Variants in CAMKK1 observed in about 807,000 individuals in gnomAD.
CAMKK1 encodes the protein calcium/calmodulin-dependent protein kinase kinase 1.
A neutral mutation model predicts 63.5 loss-of-function variants in CAMKK1; 20 were observed. That is an observed-to-expected ratio of 0.32 (90% CI 0.22 to 0.46). CAMKK1 has a LOEUF of 0.46. CAMKK1 is among the 20% of genes least tolerant of loss of function. CAMKK1 has a pLI of 1.00. For synonymous variants in CAMKK1, 253 were observed against 269.0 expected, an observed-to-expected ratio of 0.94 and a Z score of 0.58; for missense variants, 588 against 658.1, an observed-to-expected ratio of 0.89 and a Z score of 1.17.
rs1380543775 is a variant in CAMKK1 at position 3,885,817 on chromosome 17, C to T, written c.-43-87G>A. On this transcript the variant is annotated intron_variant, in intron 1 of 15. Coordinates refer to ENST00000348335, the MANE Select transcript of CAMKK1 (RefSeq NM_032294.3). ...AGCCACAGCGCTGTGGGTCCCACCT[C>T]CATGCCTTTGCCCTGGCTGTTCCCT... The T allele has an allele frequency of 1.8e-5, 25 of 1,353,070 alleles. No individual in the cohort carries two copies. In the East Asian group the frequency reaches 6.0e-4, roughly 32 times the overall value. The allele number at this position is 1,353,070 out of a possible 1,614,324, so 83.8% of individuals were successfully genotyped here. A position where few individuals can be genotyped will look rare whatever the true frequency, so the allele number is the denominator to read the frequency against.
Position 3,892,408 on chromosome 17 carries a change from A to C in CAMKK1, c.-44+531T>G, listed in dbSNP as rs1435697802. ...CAGCCCTGCGCCTCCCGGGCCCCGA[A>C]GCCGCAGCGCCCGCCTCTGCCGCCC... On this transcript the variant is annotated intron_variant, in intron 1 of 15. Coordinates refer to ENST00000348335, the MANE Select transcript of CAMKK1 (RefSeq NM_032294.3). The surrounding 1 kb of genome is among the most constrained non-coding windows in gnomAD (Gnocchi z 7.5). Among the ~76,000 whole-genome samples, 1 of 151,914 alleles carries C rather than the reference A, an allele frequency of 6.6e-6. No homozygotes were observed. Among genetic ancestry groups the C allele is most frequent in the African/African-American group, 2.4e-5 (1 of 41,342 alleles).
rs763041762 is a variant in CAMKK1 at position 3,869,836 on chromosome 17, T to G, written c.1177A>C (p.Asn393His). 11 of 1,614,240 alleles carry G rather than the reference T, an allele frequency of 6.8e-6. No individual in the cohort carries two copies. In the South Asian group the frequency reaches 1.2e-4, roughly 18 times the overall value. Reference protein sequence around the residue: ...KDLILKMLDKNPETRIGVPDI... With the variant: ...KDLILKMLDKHPETRIGVPDI... ...GGCACCCCAATTCTCGTCTCGGGAT[T>G]CTTGTCTAACATCTTCAGGATCAGG... Residue 393 changes from asparagine (N) to histidine (H), a missense_variant, in exon 13 of 16, where the codon AAT becomes CAT. By Grantham distance (68) the Asn-to-His change is moderately conservative. Coordinates refer to ENST00000348335, the MANE Select transcript of CAMKK1 (RefSeq NM_032294.3).
chr17:3,870,031 G>A lies in CAMKK1; in HGVS notation c.1125-143C>T, dbSNP rs549508712. ...GCAGGAATTTCACAACAAGGGCTTG[G>A]AGAGCCTTTCCTGAGCAGGAGGTCA... On this transcript the variant is annotated intron_variant, in intron 12 of 15. Coordinates refer to ENST00000348335, the MANE Select transcript of CAMKK1 (RefSeq NM_032294.3). 1.3e-4 allele frequency: 88 copies of A among 682,046 alleles called. No homozygotes were observed. In the African/African-American group the frequency reaches 1.5e-3, roughly 11 times the overall value. The allele number at this position is 682,046 out of a possible 1,614,324, so 42.2% of individuals were successfully genotyped here.
At chr17:3,869,969 C>A in intron 12 of CAMKK1, 81 bp from the exon 13 acceptor site, 1 of 1,161,272 alleles carries the variant, frequency 8.6e-7, no homozygotes, top group Non-Finnish European at 1.3e-6. Context: ...CCGAAACCTT[C>A]GTCCCTCGGA....
chr17:3,862,056 C>T lies in CAMKK1; in HGVS notation c.*155G>A, dbSNP rs2054345839. 1.6e-6 allele frequency: 1 copy of T among 628,872 alleles called. No homozygotes were observed. The highest frequency in any genetic ancestry group is 1.8e-5 in the South Asian group (1 of 54,710). 39.0% of individuals were successfully genotyped at this position (628,872 alleles called of 1,614,324 possible). On this transcript the variant is annotated 3_prime_UTR_variant, in exon 16 of 16. Transcript: ENST00000348335. The surrounding 1 kb of genome is among the most constrained non-coding windows in gnomAD (Gnocchi z 4.1). ...ACATTCCAGTCTGTCCCTGGACGTGCGTGCGTGGAGGTCATGCAGCACGAT... is the reference window on the plus strand; with the variant it reads ...ACATTCCAGTCTGTCCCTGGACGTGTGTGCGTGGAGGTCATGCAGCACGAT...
intron 15 of CAMKK1, 171 bp downstream of exon 15, chr17:3,865,737 A>G (rs1484793595): frequency 2.8e-6 from 4 of 1,437,668 alleles, no homozygotes; most frequent in Middle Eastern, 1.9e-4. Context: ...GGTCCCTTCT[A>G]GCCCCGACTA....
chr17:3,873,489 C>A, intron 10 of CAMKK1, 27 bp from the exon 11 acceptor site: 2 of 1,613,276 alleles, frequency 1.2e-6, no homozygotes, highest in Non-Finnish European at 1.7e-6. Context: ...TCACATCAGT[C>A]CCCAACAGGC....
In CAMKK1 at chr17:3,876,464, C is replaced by T. The variant is rs1348580198; in HGVS notation, c.797-42G>A. On this transcript the variant is annotated intron_variant, in intron 9 of 15. Transcript: ENST00000348335. ...CTTGAGCTGAGCGCTGGCCTGGGCA[C>T]CGCTGGCCAGGACCCCACACCCGTC... is the stretch of plus-strand genomic sequence containing the variant. 6 of 1,548,786 alleles carry T rather than the reference C, an allele frequency of 3.9e-6. No homozygotes were observed. In the South Asian group the frequency reaches 5.6e-5, roughly 14 times the overall value.
chr17:3,867,335 G>A (rs1322349447), intron 14 of CAMKK1, among the ~76,000 whole-genome samples: 1 of 152,192 alleles, frequency 6.6e-6, no homozygotes, highest in Admixed American at 6.5e-5. Flanking sequence ...AGAGACGAGT[G>A]CATGATGGCG....
At chr17:3,875,635 G>T (rs2055115498) in intron 10 of CAMKK1, among the ~76,000 whole-genome samples, 1 of 152,096 alleles carries the variant, frequency 6.6e-6, no homozygotes, top group African/African-American at 2.4e-5. Flanking sequence ...CTCACCCACA[G>T]CCTCCCTGGC....
chr17:3,862,234 G>A lies in CAMKK1; in HGVS notation c.1495C>T (p.Gln499Ter). The change falls in exon 16 of 16, where the codon CAG becomes TAG. Residue 499 changes from glutamine (Q) to a stop codon, truncating the protein, a stop_gained. Coordinates refer to ENST00000348335, the MANE Select transcript of CAMKK1 (RefSeq NM_032294.3). LOFTEE classifies it high-confidence loss of function. This position sits in a 1 kb window ranked among gnomAD's most constrained non-coding sequence, Gnocchi z 4.1. Reference sequence around the variant, plus strand: ...GCTCAGGATGCAGCCTCGTCTTCCTGGACGCCGGGGAGCTCTGGGCTCTTG... The same window carrying A: ...GCTCAGGATGCAGCCTCGTCTTCCTAGACGCCGGGGAGCTCTGGGCTCTTG... ...GGKSPELPGV[Q>*]EDEAAS 6.3e-7 allele frequency: 1 copy of A among 1,590,808 alleles called. No individual in the cohort carries two copies. Among genetic ancestry groups the A allele is most frequent in the Admixed American group, 1.7e-5 (1 of 57,270 alleles).
chr17:3,875,949 A>G (rs1441044961), intron 10 of CAMKK1, among the ~76,000 whole-genome samples: 2 of 152,192 alleles, frequency 1.3e-5, no homozygotes, highest in Non-Finnish European at 2.9e-5. Flanking sequence ...GGCAGGAAAC[A>G]GGGTTCTCTT....
intron 14 of CAMKK1, among the ~76,000 whole-genome samples, chr17:3,868,698 G>T (rs2054686434): frequency 6.6e-6 from 1 of 152,070 alleles, no homozygotes. Flanking sequence ...TGTCAACCAG[G>T]CTGGAGTGCA....
In CAMKK1 at chr17:3,863,635, G is replaced by A. The variant is rs755211950; in HGVS notation, c.1446-1352C>T. Among the ~76,000 whole-genome samples, 160 of 152,154 alleles carry A rather than the reference G, an allele frequency of 1.1e-3. 1 individual carries two copies. The highest frequency in any genetic ancestry group is 2.1e-3 in the Non-Finnish European group (145 of 68,028). On this transcript the variant is annotated intron_variant, in intron 15 of 15. Coordinates refer to ENST00000348335, the MANE Select transcript of CAMKK1 (RefSeq NM_032294.3). The stretch of plus-strand genomic sequence containing the variant: ...ATGCCTGTAATCACCTGGCACTTTC[G>A]GAGGCCAAGGTGGGCAAATGGCTTG...
chr17:3,875,575 G>T (rs1277690977), intron 10 of CAMKK1, among the ~76,000 whole-genome samples: 1 of 152,066 alleles, frequency 6.6e-6, no homozygotes, highest in Non-Finnish European at 1.5e-5. Flanking sequence ...GAGCCACTGT[G>T]CCCGGCCTCC....
At position 3,892,362 on chromosome 17, in the gene CAMKK1, C is replaced by T. The variant is rs1351245894; in HGVS notation, c.-44+577G>A. On this transcript the variant is annotated intron_variant, in intron 1 of 15. Coordinates refer to ENST00000348335, the MANE Select transcript of CAMKK1 (RefSeq NM_032294.3). This position sits in a 1 kb window ranked among gnomAD's most constrained non-coding sequence, Gnocchi z 7.5. ...AACAGCACACGCAGGTCCCTGCGCA[C>T]GTGGACACCCCCCCAGCCACCAGCC... Among the ~76,000 whole-genome samples the T allele has an allele frequency of 6.6e-6, 1 of 152,136 alleles. No homozygotes were observed. Among genetic ancestry groups the T allele is most frequent in the Non-Finnish European group, 1.5e-5 (1 of 68,010 alleles).
rs762430249 is a variant in CAMKK1, at chr17:3,861,997, G to A, written c.*214C>T. 11 of 584,988 alleles carry A rather than the reference G, an allele frequency of 1.9e-5. No individual in the cohort carries two copies. Among genetic ancestry groups the A allele is most frequent in the Admixed American group, 1.8e-4 (6 of 33,816 alleles). The allele number at this position is 584,988 out of a possible 1,614,324, so 36.2% of individuals were successfully genotyped here. A position where few individuals can be genotyped will look rare whatever the true frequency, so the allele number is the denominator to read the frequency against. ...GGTCCAAGAAGAGGAGGATGGCCTC[G>A]TGGGAGCCCTGCCCCCAAGACCCCA... On this transcript the variant is annotated 3_prime_UTR_variant, in exon 16 of 16. Coordinates refer to ENST00000348335, the MANE Select transcript of CAMKK1 (RefSeq NM_032294.3).
intron 9 of CAMKK1, among the ~76,000 whole-genome samples, chr17:3,877,136 T>C (rs899838317): frequency 6.6e-6 from 1 of 152,086 alleles, no homozygotes; most frequent in Non-Finnish European, 1.5e-5. Flanking sequence ...ATCAAAACCT[T>C]TCTCCAGTTC....
chr17:3,879,981 T>C lies in CAMKK1; in HGVS notation c.796+365A>G, dbSNP rs1241259279. 1 of 271,914 alleles carries C rather than the reference T, an allele frequency of 3.7e-6. No individual in the cohort carries two copies. Among genetic ancestry groups the C allele is most frequent in the African/African-American group, 2.2e-5 (1 of 45,434 alleles). 16.8% of individuals were successfully genotyped at this position (271,914 alleles called of 1,614,324 possible). A position where few individuals can be genotyped will look rare whatever the true frequency, so the allele number is the denominator to read the frequency against. On this transcript the variant is annotated intron_variant, in intron 9 of 15. Coordinates refer to ENST00000348335, the MANE Select transcript of CAMKK1 (RefSeq NM_032294.3). This position sits in a 1 kb window ranked among gnomAD's most constrained non-coding sequence, Gnocchi z 4.5. Reference sequence around the variant, plus strand: ...ACCCTGCCACCATGCCCCGGCCCCATGCCAGGACAGACTCTCCCCAGCAGC... The same window carrying C: ...ACCCTGCCACCATGCCCCGGCCCCACGCCAGGACAGACTCTCCCCAGCAGC...
Sources: allele counts gnomAD v4.1 joint callset (sites outside exome capture counted in the v4.1 genomes callset), GRCh38; gene constraint gnomAD v4.1.1; non-coding constraint Gnocchi (gnomAD v3.1); transcripts MANE v1.5; gene names NCBI Gene and HGNC (gene_info 2026-07-23, HGNC 2026-07-21).